The following GSTA4 variants were observed in gnomAD, a reference collection of about 807,000 sequenced individuals.
GSTA4 encodes glutathione S-transferase alpha 4, also known as glutathione S-transferase A4.
In GSTA4, 15 loss-of-function variants were observed where a neutral mutation model predicts 24.4. The observed-to-expected ratio is 0.61, with a 90% confidence interval of 0.41 to 0.95. GSTA4 has a LOEUF of 0.95. Among genes scored for constraint, GSTA4 ranks in the 40% least tolerant of loss-of-function variants. The probability of loss-of-function intolerance (pLI) is 0.00; values close to 1 mark genes in which losing one functional copy is unlikely to be tolerated. For missense variants in GSTA4, 244 were observed against 262.1 expected (o/e 0.93, Z 0.48); for synonymous variants, 92 against 94.2 (o/e 0.98, Z 0.13).
At chr6:52,982,750 A>G in intron 5 of GSTA4, 45 bp from the exon 6 acceptor site, 11 of 1,484,908 alleles carry the variant, frequency 7.4e-6, no homozygotes, top group Non-Finnish European at 1.0e-5. Context: ...CCACATGGAG[A>G]GAGTGATGAG....
intron 4 of GSTA4, 134 bp downstream of exon 4, chr6:52,985,317 C>T: frequency 1.4e-6 from 1 of 716,664 alleles, no homozygotes. Context: ...TCTTCGTGAC[C>T]TTCTTGGGTT....
chr6:52,982,059 T>A (rs1763461608), intron 6 of GSTA4, among the ~76,000 whole-genome samples: 1 of 152,234 alleles, frequency 6.6e-6, no homozygotes, highest in Non-Finnish European at 1.5e-5. Flanking sequence ...CATAGCCTGA[T>A]GAATGAGACT....
intron 1 of GSTA4, 80 bp from the exon 2 acceptor site, chr6:52,994,341 G>C: frequency 1.5e-6 from 1 of 662,638 alleles, no homozygotes; most frequent in Admixed American, 2.5e-5. Context: ...GGGGCGAAAT[G>C]AATATTCAGG....
At position 52,994,166 on chromosome 6, in the gene GSTA4, G is replaced by C. The variant is rs767379353; in HGVS notation, c.78C>G (p.Ala26=). 1 of 1,607,402 alleles carries C rather than the reference G, an allele frequency of 6.2e-7. No individual in the cohort carries two copies. The highest frequency in any genetic ancestry group is 1.3e-5 in the African/African-American group (1 of 74,786). The change falls in exon 2 of 7, where the codon GCC becomes GCG. Residue 26 remains alanine (A), a synonymous_variant. Coordinates refer to ENST00000370963, the MANE Select transcript of GSTA4 (RefSeq NM_001512.4). ...MESVRWVLAA[A]GVEFDEEFLE... is the part of the protein sequence containing the mutation. ...ACAGCATATAAGGTACCTCGACTCCGGCGGCAGCTAAAACCCATCTCACGG... is the reference window on the plus strand; with the variant it reads ...ACAGCATATAAGGTACCTCGACTCCCGCGGCAGCTAAAACCCATCTCACGG...
intron 5 of GSTA4, 29 bp from the exon 6 acceptor site, chr6:52,982,734 A>C (rs747003292): frequency 6.3e-7 from 1 of 1,581,648 alleles, no homozygotes; most frequent in East Asian, 2.2e-5. Flanking sequence ...CATCAGTTAC[A>C]ATATTCCACA....
At chr6:52,994,603 G>T (rs922801518) in intron 1 of GSTA4, among the ~76,000 whole-genome samples, 3 of 152,174 alleles carry the variant, frequency 2.0e-5, no homozygotes, top group Non-Finnish European at 4.4e-5. Flanking sequence ...TCCAAATTCA[G>T]CTGGGGGATA....
At chr6:52,987,507 A>G in intron 2 of GSTA4, 99 bp from the exon 3 acceptor site, 2 of 682,936 alleles carry the variant, frequency 2.9e-6, no homozygotes, top group Non-Finnish European at 2.6e-6. Flanking sequence ...CAACAGAAAC[A>G]GAGGTCATTA....
intron 5 of GSTA4, 71 bp downstream of exon 5, chr6:52,984,393 G>C (rs1763510215): frequency 1.4e-6 from 2 of 1,390,898 alleles, no homozygotes; most frequent in Non-Finnish European, 2.0e-6. Flanking sequence ...GACAGAAAAG[G>C]GTGTTTGTGG....
intron 6 of GSTA4, among the ~76,000 whole-genome samples, chr6:52,980,396 C>T (rs1456165031): frequency 6.6e-6 from 1 of 152,028 alleles, no homozygotes; most frequent in African/African-American, 2.4e-5. Flanking sequence ...CCTCCACCTC[C>T]CCAGTTCAAG....
At chr6:52,986,427 A>C (rs1445925919) in intron 3 of GSTA4, among the ~76,000 whole-genome samples, 1 of 152,170 alleles carries the variant, frequency 6.6e-6, no homozygotes, top group Non-Finnish European at 1.5e-5. Context: ...TAACTAGCTG[A>C]GACTCATGTA....
In GSTA4 at chr6:52,982,633, T is replaced by A; in HGVS notation, c.487A>T (p.Thr163Ser). 1 of 1,610,380 alleles carries A rather than the reference T, an allele frequency of 6.2e-7. No homozygotes were observed. Among genetic ancestry groups the A allele is most frequent in the Admixed American group, 1.7e-5 (1 of 59,996 alleles). The change falls in exon 6 of 7, where the codon ACC becomes TCC. Residue 163 changes from threonine to serine, a missense_variant. Thr to Ser is a moderately conservative substitution (Grantham distance 58). Transcript: ENST00000370963. ...LSLADVILLQ[T>S]ILALEEKIPN... The stretch of plus-strand genomic sequence containing the variant: ...ATTTTCTCTTCTAGAGCTAAAATGG[T>A]TTGGAGTAAAATCACATCTGCAAGG...
At position 52,992,860 on chromosome 6, in the gene GSTA4, A is replaced by G. The variant is rs140819099; in HGVS notation, c.87+1297T>C. Among the ~76,000 whole-genome samples the G allele has an allele frequency of 1.2e-3, 180 of 152,284 alleles. 2 individuals are homozygous for G. Among genetic ancestry groups the G allele is most frequent in the Admixed American group, 6.5e-4 (10 of 15,296 alleles). ...TCACACCTGTAATCCCAGTACTTTG[A>G]GAGGCCCAGGTGGGTGCATCACTTG... is the stretch of plus-strand genomic sequence containing the variant. On this transcript the variant is annotated intron_variant, in intron 2 of 6. Transcript: ENST00000370963.
rs763750694 is a variant in GSTA4 at position 52,982,691 on chromosome 6, G to A, written c.429C>T (p.His143=). The part of the protein sequence containing the change: ...FPVFEKILRG[H]GQSFLVGNQL... ...GATTACCAACAAGAAAGCTTTGTCC[G>A]TGACCCCTTAAAATCTGTAGGGAAA... Residue 143 remains histidine (H), a synonymous_variant, in exon 6 of 7, where the codon CAC becomes CAT. Transcript: ENST00000370963. 29 of 1,611,802 alleles carry A rather than the reference G, an allele frequency of 1.8e-5. No homozygotes were observed. In the East Asian group the frequency reaches 4.0e-4, roughly 22 times the overall value.
At chr6:52,989,890 C>A (rs934711883) in intron 2 of GSTA4, among the ~76,000 whole-genome samples, 10 of 152,170 alleles carry the variant, frequency 6.6e-5, no homozygotes, top group African/African-American at 2.4e-4. Context: ...GTCACACAGG[C>A]TGGAGTGCAG....
chr6:52,987,137 G>A (rs1763576946), intron 3 of GSTA4, among the ~76,000 whole-genome samples: 1 of 152,092 alleles, frequency 6.6e-6, no homozygotes, highest in Non-Finnish European at 1.5e-5. Context: ...TCACCGGGAT[G>A]TGGAAGGAAC....
chr6:52,978,324 G>A lies in GSTA4; in HGVS notation c.*146C>T, dbSNP rs151009303. ...AAAAAAGGTTGATATTTCTAGAAGA[G>A]ATGATCTCGTTGACACAAAAGACCC... On this transcript the variant is annotated 3_prime_UTR_variant, in exon 7 of 7. Coordinates refer to ENST00000370963, the MANE Select transcript of GSTA4 (RefSeq NM_001512.4). 2.5e-4 allele frequency: 192 copies of A among 761,976 alleles called. 1 individual carries two copies. In the East Asian group the frequency reaches 5.3e-3, roughly 21 times the overall value. The allele number at this position is 761,976 out of a possible 1,614,324, so 47.2% of individuals were successfully genotyped here. A position where few individuals can be genotyped will look rare whatever the true frequency, so the allele number is the denominator to read the frequency against.
intron 2 of GSTA4, among the ~76,000 whole-genome samples, chr6:52,991,720 G>A (rs952353868): frequency 2.7e-5 from 4 of 150,568 alleles, no homozygotes; most frequent in Admixed American, 6.6e-5. Context: ...AGAAACAAAC[G>A]TAGACATCTA....
intron 5 of GSTA4, among the ~76,000 whole-genome samples, chr6:52,983,669 T>C (rs1281495707): frequency 2.0e-5 from 3 of 152,202 alleles, no homozygotes; most frequent in African/African-American, 7.2e-5. Context: ...GTCTGGGCCC[T>C]TGGGACCTAA....
chr6:52,978,591 T>A lies in GSTA4; in HGVS notation c.548A>T (p.Glu183Val). 6.2e-7 allele frequency: 1 copy of A among 1,601,710 alleles called. No individual in the cohort carries two copies. The highest frequency in any genetic ancestry group is 8.5e-7 in the Non-Finnish European group (1 of 1,175,228). ...NILSAFPFLQEYTVKLSNIPT... is the reference protein window; with the variant it reads ...NILSAFPFLQVYTVKLSNIPT... ...GATATTACTTAGTTTCACTGTGTAT[T>A]CCTGAAAAAGGAAAACCAAAACTTT... The change falls in exon 7 of 7, where the codon GAA becomes GTA. Residue 183 changes from glutamate to valine, a missense_variant and splice_region_variant. By Grantham distance (121) the Glu-to-Val change is moderately radical (BLOSUM62 -2). Transcript: ENST00000370963.
Sources: allele counts gnomAD v4.1 joint callset (sites outside exome capture counted in the v4.1 genomes callset), GRCh38; gene constraint gnomAD v4.1.1; transcripts MANE v1.5; gene names NCBI Gene and HGNC (gene_info 2026-07-23, HGNC 2026-07-21).